Variants in SULF1 observed in about 807,000 individuals in gnomAD.
The protein encoded by SULF1 is sulfatase 1.
A neutral mutation model predicts 110.5 loss-of-function variants in SULF1; 46 were observed. That is an observed-to-expected ratio of 0.42 (90% CI 0.33 to 0.53). SULF1 has a LOEUF of 0.53. Ranked by LOEUF, SULF1 falls within the 20% of genes least tolerant of loss-of-function variation. The probability of loss-of-function intolerance (pLI) is 0.12; values close to 1 mark genes in which losing one functional copy is unlikely to be tolerated. For missense variants in SULF1, 941 were observed against 1,094.2 expected, an observed-to-expected ratio of 0.86 and a Z score of 1.98; for synonymous variants, 371 against 387.1, an observed-to-expected ratio of 0.96 and a Z score of 0.49.
chr8:69,619,521 G>A (rs1032159360), intron 13 of SULF1, among the ~76,000 whole-genome samples: 4 of 152,252 alleles, frequency 2.6e-5, no homozygotes, highest in Non-Finnish European at 5.9e-5. Flanking sequence ...ACTTAGTCCA[G>A]AGGCAATGTC....
chr8:69,504,216 G>T (rs1029355930), intron 3 of SULF1, among the ~76,000 whole-genome samples: 1 of 152,024 alleles, frequency 6.6e-6, no homozygotes, highest in African/African-American at 2.4e-5. Flanking sequence ...TCACTTCTCA[G>T]CACATCTTTA....
intron 5 of SULF1, among the ~76,000 whole-genome samples, chr8:69,569,653 A>T (rs1171234148): frequency 6.6e-6 from 1 of 152,214 alleles, no homozygotes; most frequent in East Asian, 1.9e-4. Context: ...GACTTTTCTT[A>T]TACCTGGCTG....
chr8:69,482,968 T>TA (rs1219916880), intron 1 of SULF1, among the ~76,000 whole-genome samples: 1 of 151,958 alleles, frequency 6.6e-6, no homozygotes, highest in Non-Finnish European at 1.5e-5. Flanking sequence ...AATACAACAA[T>TA]AAAAAAATAC....
At position 69,589,118 on chromosome 8, in the gene SULF1, G is replaced by C. The variant is rs372034572; in HGVS notation, c.711G>C (p.Leu237=). Reference sequence around the variant, plus strand: ...ACTCAGCCCCACAGTTTTCTAAACTGTACCCCAATGCTTCCCAACACATGT... The same window carrying C: ...ACTCAGCCCCACAGTTTTCTAAACTCTACCCCAATGCTTCCCAACACATGT... The part of the protein sequence containing the change: ...PEDSAPQFSK[L]YPNASQHITP... The change falls in exon 8 of 23, where the codon CTG becomes CTC. Residue 237 remains leucine (L), a synonymous_variant. Transcript: ENST00000402687. The C allele has an allele frequency of 2.5e-6, 4 of 1,613,794 alleles. No individual in the cohort carries two copies. The African/African-American group carries it at 5.3e-5, about 22-fold the overall frequency.
At chr8:69,485,835 T>C (rs954835931) in intron 1 of SULF1, among the ~76,000 whole-genome samples, 9 of 152,214 alleles carry the variant, frequency 5.9e-5, no homozygotes, top group African/African-American at 1.9e-4. Flanking sequence ...ACATATTGAA[T>C]TTCTTGGACC....
chr8:69,581,919 C>T (rs1025083023), intron 6 of SULF1, among the ~76,000 whole-genome samples: 25 of 152,012 alleles, frequency 1.6e-4, no homozygotes, highest in African/African-American at 5.8e-4. Flanking sequence ...GATGGGTGAG[C>T]GCACATCTGG....
chr8:69,605,259 T>C (rs753234169), intron 13 of SULF1, among the ~76,000 whole-genome samples: 1 of 152,186 alleles, frequency 6.6e-6, no homozygotes, highest in Non-Finnish European at 1.5e-5. Context: ...GCCAAAAGGC[T>C]ACTTAGTCAA....
chr8:69,478,834 G>C (rs7002143), intron 1 of SULF1, among the ~76,000 whole-genome samples: 247 of 152,218 alleles, frequency 1.6e-3, no homozygotes, highest in African/African-American at 5.7e-3. Flanking sequence ...CATCTATCAA[G>C]CATAGCTTCA....
chr8:69,627,023 C>T (rs1810127075), intron 15 of SULF1, among the ~76,000 whole-genome samples, 187 bp from the exon 16 acceptor site: 1 of 152,166 alleles, frequency 6.6e-6, no homozygotes, highest in South Asian at 2.1e-4. Context: ...TGCCAGCACG[C>T]TGTCACGACT....
chr8:69,527,429 A>T (rs576811631), intron 3 of SULF1, among the ~76,000 whole-genome samples: 13 of 152,210 alleles, frequency 8.5e-5, no homozygotes, highest in African/African-American at 2.6e-4. Flanking sequence ...GTAGAGCCAG[A>T]GGAAAGAACT....
chr8:69,558,006 G>A (rs568242810), intron 3 of SULF1, among the ~76,000 whole-genome samples: 266 of 152,306 alleles, frequency 1.7e-3, no homozygotes, highest in African/African-American at 6.2e-3. Context: ...CCAGGAAACA[G>A]GCTTTCTGGA....
At chr8:69,507,448 G>A (rs1354447147) in intron 3 of SULF1, among the ~76,000 whole-genome samples, 1 of 152,136 alleles carries the variant, frequency 6.6e-6, no homozygotes, top group East Asian at 1.9e-4. Flanking sequence ...TCTCAATGGT[G>A]TCCTAATTTG....
chr8:69,526,968 C>G (rs147623364), intron 3 of SULF1, among the ~76,000 whole-genome samples: 24 of 152,302 alleles, frequency 1.6e-4, no homozygotes, highest in African/African-American at 5.8e-4. Flanking sequence ...TAATAATAGA[C>G]TCTTGTAAGT....
At chr8:69,634,022 C>T (rs1263729609) in intron 19 of SULF1, among the ~76,000 whole-genome samples, 1 of 152,042 alleles carries the variant, frequency 6.6e-6, no homozygotes, top group Non-Finnish European at 1.5e-5. Flanking sequence ...TAAATGTTCA[C>T]ATATAAATAA....
At chr8:69,610,828 C>T (rs1201580888) in intron 13 of SULF1, among the ~76,000 whole-genome samples, 3 of 152,166 alleles carry the variant, frequency 2.0e-5, no homozygotes, top group Non-Finnish European at 4.4e-5. Context: ...CTCTATGTTT[C>T]TTAAATGTTA....
chr8:69,543,572 C>T (rs111631034), intron 3 of SULF1, among the ~76,000 whole-genome samples: 11,169 of 152,176 alleles, frequency 0.073, 754 homozygotes, highest in East Asian at 0.38. Context: ...TTTATGGCTG[C>T]GTAGTATTCC....
chr8:69,610,064 C>G (rs1428685026), intron 13 of SULF1, among the ~76,000 whole-genome samples: 2 of 152,172 alleles, frequency 1.3e-5, no homozygotes. Context: ...AAAAAAGCAG[C>G]CTGCTTTGTT....
intron 3 of SULF1, among the ~76,000 whole-genome samples, chr8:69,511,604 C>T (rs74923168): frequency 0.032 from 4,909 of 152,232 alleles, 258 homozygotes; most frequent in African/African-American, 0.11. Context: ...GAAGAAAGTA[C>T]GGAGATTTCC....
intron 3 of SULF1, among the ~76,000 whole-genome samples, chr8:69,529,374 A>G (rs751344267): frequency 1.1e-4 from 16 of 152,210 alleles, no homozygotes; most frequent in Non-Finnish European, 1.9e-4. Context: ...CACTACGTTG[A>G]TGCTCTAACT....
Sources: allele counts gnomAD v4.1 joint callset (sites outside exome capture counted in the v4.1 genomes callset), GRCh38; gene constraint gnomAD v4.1.1; transcripts MANE v1.5; gene names NCBI Gene and HGNC (gene_info 2026-07-23, HGNC 2026-07-21).